Variants in MYL4 observed in about 807,000 individuals in gnomAD.
The protein encoded by MYL4 is atrial myosin light chain 1.
Under a neutral mutation model 21.6 loss-of-function variants are expected in MYL4, and 16 were observed. The observed-to-expected ratio is 0.74, with a 90% CI of 0.50 to 1.12. The LOEUF (loss-of-function observed/expected upper bound fraction) is 1.12. Ranked by LOEUF, MYL4 falls within the 50% of genes most tolerant of loss-of-function variation. The pLI, the probability that MYL4 is intolerant of heterozygous loss-of-function variation, is 0.00. For missense variants in MYL4, 249 were observed against 252.9 expected (o/e 0.98, Z 0.11); for synonymous variants, 82 against 95.7 (o/e 0.86, Z 0.83).
intron 2 of MYL4, among the ~76,000 whole-genome samples, chr17:47,219,697 C>T (rs1028881874): frequency 6.6e-5 from 10 of 152,114 alleles, no homozygotes; most frequent in African/African-American, 2.2e-4. Context: ...TGGAATGGGT[C>T]GTGGAGGCAC....
At chr17:47,207,873 C>G (rs534608668), upstream of MYL4, among the ~76,000 whole-genome samples, 1 of 152,130 alleles carries the variant, frequency 6.6e-6, no homozygotes, top group Admixed American at 6.6e-5. Flanking sequence ...ACCCTTACCC[C>G]CTAGGTCCCC....
At chr17:47,205,783 T>A (rs142649672), upstream of MYL4, among the ~76,000 whole-genome samples, 241 of 152,340 alleles carry the variant, frequency 1.6e-3, no homozygotes, top group African/African-American at 5.4e-3. Flanking sequence ...ACTTGCCACA[T>A]GCTTTCTGAG....
chr17:47,207,004 G>A (rs1307107228), upstream of MYL4, among the ~76,000 whole-genome samples: 1 of 152,138 alleles, frequency 6.6e-6, no homozygotes, highest in Non-Finnish European at 1.5e-5. Context: ...GTCAAGGAGA[G>A]GACTGACAGG....
upstream of MYL4, among the ~76,000 whole-genome samples, chr17:47,207,621 C>T (rs1037144292): frequency 5.3e-5 from 8 of 152,080 alleles, no homozygotes; most frequent in Non-Finnish European, 1.2e-4. Context: ...CCTAGAAAGG[C>T]GAAGTGATTT....
chr17:47,201,479 G>A lies in MYL4; in HGVS notation c.-35+893G>A, dbSNP rs1242799436. On this transcript the variant is annotated intron_variant and NMD_transcript_variant, in intron 1 of 6. Transcript: ENST00000571981. The stretch of plus-strand genomic sequence containing the variant: ...CTTTTTTTTTTTTCTTTTTTGAGGC[G>A]GAGTTTTGCTCTTGTTGCCCAGGCT... Among the ~76,000 whole-genome samples the A allele has an allele frequency of 3.3e-5, 5 of 150,062 alleles. No individual in the cohort carries two copies. In the East Asian group the frequency reaches 5.8e-4, roughly 17 times the overall value.
At chr17:47,204,730 CGA>C (rs10554286), upstream of MYL4, among the ~76,000 whole-genome samples, 1,641 of 77,794 alleles carry the variant, frequency 0.021, 30 homozygotes, top group African/African-American at 0.091. Flanking sequence ...GACCCTGTCT[CGA>C]AAAAAAAAAA....
upstream of MYL4, among the ~76,000 whole-genome samples, chr17:47,198,708 C>T (rs1249885579): frequency 6.6e-6 from 1 of 152,050 alleles, no homozygotes; most frequent in Non-Finnish European, 1.5e-5. Flanking sequence ...GAAGCTTGGC[C>T]AGGCGCAGTA....
downstream of MYL4, among the ~76,000 whole-genome samples, chr17:47,223,953 C>T (rs1326670388): frequency 6.6e-6 from 1 of 152,136 alleles, no homozygotes; most frequent in Admixed American, 6.5e-5. Context: ...CACCCTCTAC[C>T]TAATCACACC....
chr17:47,203,700 C>T (rs1384547660), intron 1 of MYL4, among the ~76,000 whole-genome samples: 4 of 152,132 alleles, frequency 2.6e-5, no homozygotes, highest in Non-Finnish European at 4.4e-5. Context: ...TGTATCCTTT[C>T]GGATGAGTTG....
At chr17:47,201,422 A>C (rs2064709127) in intron 1 of MYL4, among the ~76,000 whole-genome samples, 1 of 150,468 alleles carries the variant, frequency 6.6e-6, no homozygotes, top group East Asian at 1.9e-4. Flanking sequence ...GGTCCATGCA[A>C]CGCCTTTCTT....
At chr17:47,218,118 A>G (rs1415214910) in intron 2 of MYL4, among the ~76,000 whole-genome samples, 1 of 152,100 alleles carries the variant, frequency 6.6e-6, no homozygotes, top group Admixed American at 6.5e-5. Context: ...AGGTTTTTAG[A>G]GGTTAAATAT....
Position 47,221,565 on chromosome 17 carries a change from G to A in MYL4, c.314-117G>A, listed in dbSNP as rs150686128. 948 of 1,173,554 alleles carry A rather than the reference G, an allele frequency of 8.1e-4. 3 individuals are homozygous for A. In the African/African-American group the frequency reaches 0.013, roughly 16 times the overall value. 72.7% of individuals were successfully genotyped at this position (1,173,554 alleles called of 1,614,324 possible). On this transcript the variant is annotated intron_variant, in intron 3 of 6. Coordinates refer to ENST00000393450, the MANE Select transcript of MYL4 (RefSeq NM_002476.2). The stretch of plus-strand genomic sequence containing the variant: ...ACTAATGGGTGTACCACCCAGAATT[G>A]GCTGCAGCCCAAGCCCTGGGTGCTG...
At chr17:47,216,328 T>C (rs1279682286) in intron 2 of MYL4, among the ~76,000 whole-genome samples, 3 of 151,338 alleles carry the variant, frequency 2.0e-5, no homozygotes, top group African/African-American at 7.3e-5. Flanking sequence ...TTTTTTCTAG[T>C]TGTAGTCCTA....
intron 1 of MYL4, among the ~76,000 whole-genome samples, chr17:47,211,624 C>G (rs762954167): frequency 1.3e-5 from 2 of 152,104 alleles, no homozygotes; most frequent in African/African-American, 4.8e-5. Context: ...TTCTGACCAC[C>G]CCCTACTTTT....
rs753082892 is a variant in MYL4, at chr17:47,209,487, C to T, written c.65C>T (p.Ala22Val). ...AAGCCAGCTCCAGCTCCAGCTCCAG[C>T]CCCTGCACCAGCCCCTGCCCCAGCT... The part of the protein sequence containing the change: ...AAKPAPAPAP[A>V]PAPAPAPAPE... The change falls in exon 1 of 7, where the codon GCC becomes GTC. Residue 22 changes from alanine to valine, a missense_variant. By Grantham distance (64) the Ala-to-Val change is moderately conservative (BLOSUM62 0). Coordinates refer to ENST00000393450, the MANE Select transcript of MYL4 (RefSeq NM_002476.2). The T allele has an allele frequency of 6.2e-6, 10 of 1,614,086 alleles. No homozygotes were observed. In the South Asian group the frequency reaches 9.9e-5, roughly 16 times the overall value.
At chr17:47,205,345 G>A (rs1754673865), upstream of MYL4, among the ~76,000 whole-genome samples, 1 of 151,900 alleles carries the variant, frequency 6.6e-6, no homozygotes, top group African/African-American at 2.4e-5. Flanking sequence ...TCTTTCCTTG[G>A]CTCTGATGGG....
chr17:47,194,886 G>T, the MYL4 span, among the ~76,000 whole-genome samples: 4 of 151,860 alleles, frequency 2.6e-5, no homozygotes, highest in African/African-American at 9.7e-5. Context: ...GACTACAGGT[G>T]CATGCCACCA....
chr17:47,198,716 G>A (rs528859206), upstream of MYL4, among the ~76,000 whole-genome samples: 57 of 152,244 alleles, frequency 3.7e-4, no homozygotes, highest in African/African-American at 1.3e-3. Context: ...GCCAGGCGCA[G>A]TAGCTCACGC....
At chr17:47,191,375 A>G in the MYL4 span, among the ~76,000 whole-genome samples, 1 of 152,364 alleles carries the variant, frequency 6.6e-6, no homozygotes, top group African/African-American at 2.4e-5. Flanking sequence ...GACCCTTTCA[A>G]CTGAACACAG....
Sources: gnomAD v4.1 joint callset for allele counts (sites outside exome capture counted in the v4.1 genomes callset) on GRCh38, gnomAD v4.1.1 for gene constraint, MANE v1.5 for transcripts, NCBI Gene and HGNC (gene_info 2026-07-23, HGNC 2026-07-21) for gene names.